NDST4: variants seen among roughly 807,000 people sequenced by gnomAD.
NDST4 encodes N-heparan sulfate sulfotransferase 4.
A neutral mutation model predicts 100.8 loss-of-function variants in NDST4; 63 were observed. That is an observed-to-expected ratio of 0.62 (90% CI 0.51 to 0.77). The LOEUF is 0.77. Ranked by LOEUF, NDST4 falls within the 30% of genes least tolerant of loss-of-function variation. NDST4 has a pLI of 0.00. For missense variants in NDST4, 943 were observed against 1,018.4 expected, an observed-to-expected ratio of 0.93 and a Z score of 1.01; for synonymous variants, 377 against 361.8, an observed-to-expected ratio of 1.04 and a Z score of -0.48.
intron 6 of NDST4, among the ~76,000 whole-genome samples, chr4:114,921,158 A>G (rs1725278159): frequency 1.3e-5 from 2 of 152,306 alleles, no homozygotes; most frequent in African/African-American, 4.8e-5. Flanking sequence ...CAACTGAAAC[A>G]AAAACGTTTG....
At chr4:115,033,151 A>ATTT (rs1277450575) in intron 2 of NDST4, among the ~76,000 whole-genome samples, 3 of 97,110 alleles carry the variant, frequency 3.1e-5, no homozygotes, top group African/African-American at 1.6e-4. Context: ...ATATATATAT[A>ATTT]TATATATTTT....
At chr4:115,043,787 T>G (rs1349126215) in intron 2 of NDST4, among the ~76,000 whole-genome samples, 3 of 152,086 alleles carry the variant, frequency 2.0e-5, no homozygotes, top group Non-Finnish European at 2.9e-5. Context: ...CTGGCATACA[T>G]TAAATGTTGA....
chr4:115,088,616 T>C (rs899290129), intron 1 of NDST4, among the ~76,000 whole-genome samples: 3 of 151,902 alleles, frequency 2.0e-5, no homozygotes, highest in Non-Finnish European at 4.4e-5. Context: ...CCCATGTTCA[T>C]AACATTTTCT....
chr4:115,026,068 G>A lies in NDST4; in HGVS notation c.979-48794C>T, dbSNP rs142245303. Among the ~76,000 whole-genome samples, 213 of 152,022 alleles carry A rather than the reference G, an allele frequency of 1.4e-3. 1 individual carries two copies. The highest frequency in any genetic ancestry group is 3.4e-3 in the Middle Eastern group (1 of 292). Reference sequence around the variant, plus strand: ...AGCCCTTTTCCTCCACACATTCTTTGCTCTAGTTCTAGAATAATTAAGCTA... The same window carrying A: ...AGCCCTTTTCCTCCACACATTCTTTACTCTAGTTCTAGAATAATTAAGCTA... On this transcript the variant is annotated intron_variant, in intron 2 of 13. Coordinates refer to ENST00000264363, the MANE Select transcript of NDST4 (RefSeq NM_022569.3).
rs972459701 is a variant in NDST4 at position 115,089,694 on chromosome 4, A to G, written c.-246-12412T>C. Reference sequence around the variant, plus strand: ...AGCATAACCCAATACTAAATTAGACACACAGTAGATTAGTAACAATCTTGA... The same window carrying G: ...AGCATAACCCAATACTAAATTAGACGCACAGTAGATTAGTAACAATCTTGA... On this transcript the variant is annotated intron_variant, in intron 1 of 13. Coordinates refer to ENST00000264363, the MANE Select transcript of NDST4 (RefSeq NM_022569.3). Among the ~76,000 whole-genome samples the G allele has an allele frequency of 2.6e-5, 4 of 151,976 alleles. No individual in the cohort carries two copies. In the South Asian group the frequency reaches 6.2e-4, roughly 24 times the overall value.
At position 115,105,600 on chromosome 4, in the gene NDST4, C is replaced by G. The variant is rs373792204; in HGVS notation, c.-247+7844G>C. Among the ~76,000 whole-genome samples the G allele has an allele frequency of 1.6e-4, 24 of 152,034 alleles. 2 individuals are homozygous for G. The East Asian group carries it at 2.7e-3, about 17-fold the overall frequency. On this transcript the variant is annotated intron_variant, in intron 1 of 13. Coordinates refer to ENST00000264363, the MANE Select transcript of NDST4 (RefSeq NM_022569.3). ...ACCTTTGTCCATACTTCTTATAGTG[C>G]GACAACAAAAAACAACAAGAAATCT... is the stretch of plus-strand genomic sequence containing the variant.
At chr4:114,967,491 A>C (rs1199027820) in intron 4 of NDST4, among the ~76,000 whole-genome samples, 1 of 152,134 alleles carries the variant, frequency 6.6e-6, no homozygotes, top group East Asian at 1.9e-4. Context: ...TTAAAAAAGA[A>C]ATTACACAAA....
rs191998054 is a variant in NDST4 at position 115,031,267 on chromosome 4, G to T, written c.978+44792C>A. Among the ~76,000 whole-genome samples, 152 of 152,092 alleles carry T rather than the reference G, an allele frequency of 1.0e-3. 1 individual carries two copies. Among genetic ancestry groups the T allele is most frequent in the African/African-American group, 3.5e-3 (145 of 41,506 alleles). ...GTCATTGTTGTTTTTAATGCCTCCTGCTCCAGACATGTTGCTCTGGCTTTT... is the reference window on the plus strand; with the variant it reads ...GTCATTGTTGTTTTTAATGCCTCCTTCTCCAGACATGTTGCTCTGGCTTTT... On this transcript the variant is annotated intron_variant, in intron 2 of 13. Coordinates refer to ENST00000264363, the MANE Select transcript of NDST4 (RefSeq NM_022569.3).
chr4:114,914,421 T>C (rs945513354), intron 6 of NDST4, among the ~76,000 whole-genome samples: 4 of 152,014 alleles, frequency 2.6e-5, no homozygotes, highest in African/African-American at 9.7e-5. Flanking sequence ...TCAAAATATC[T>C]CATACATCCC....
chr4:114,936,520 A>T (rs766863036), intron 5 of NDST4, among the ~76,000 whole-genome samples: 1 of 152,228 alleles, frequency 6.6e-6, no homozygotes, highest in Non-Finnish European at 1.5e-5. Context: ...TATTCAAATG[A>T]GTAAGAACAG....
chr4:114,876,497 G>A (rs1388860090), intron 6 of NDST4, among the ~76,000 whole-genome samples: 1 of 151,994 alleles, frequency 6.6e-6, no homozygotes, highest in Non-Finnish European at 1.5e-5. Context: ...AGTCAGACTA[G>A]GCTTAACATT....
At chr4:114,920,133 A>G (rs1309895224) in intron 6 of NDST4, among the ~76,000 whole-genome samples, 3 of 152,214 alleles carry the variant, frequency 2.0e-5, no homozygotes. Context: ...AATTATGTAT[A>G]AATATATATT....
intron 7 of NDST4, 42 bp from the exon 8 acceptor site, chr4:114,852,863 G>C (rs1038324937): frequency 7.4e-7 from 1 of 1,348,552 alleles, no homozygotes; most frequent in Non-Finnish European, 1.0e-6. Context: ...TGTAATGACT[G>C]TCTGGCTCTG....
rs1467391511 is a variant in NDST4 at position 115,008,396 on chromosome 4, G to A, written c.979-31122C>T. Among the ~76,000 whole-genome samples the A allele has an allele frequency of 4.7e-5, 6 of 128,386 alleles. 2 individuals carry two copies. In the Admixed American group the frequency reaches 4.8e-4, roughly 10 times the overall value. 84.2% of individuals were successfully genotyped at this position (128,386 alleles called of 152,430 possible). A position where few individuals can be genotyped will look rare whatever the true frequency, so the allele number is the denominator to read the frequency against. On this transcript the variant is annotated intron_variant, in intron 2 of 13. Coordinates refer to ENST00000264363, the MANE Select transcript of NDST4 (RefSeq NM_022569.3). ...GGAGCTCTTTTAGGGCAGGCCTGGT[G>A]GTGACAAAATCACTCAGCATTTGCT...
intron 8 of NDST4, among the ~76,000 whole-genome samples, chr4:114,851,559 A>G (rs1344726313): frequency 1.3e-5 from 2 of 152,226 alleles, no homozygotes; most frequent in Non-Finnish European, 2.9e-5. Context: ...GAACTAAAAC[A>G]TAATAATATT....
At chr4:114,850,179 G>A (rs1241031263) in intron 8 of NDST4, among the ~76,000 whole-genome samples, 1 of 152,108 alleles carries the variant, frequency 6.6e-6, no homozygotes, top group Non-Finnish European at 1.5e-5. Flanking sequence ...GATGCATGCA[G>A]GGCACAGATA....
intron 4 of NDST4, among the ~76,000 whole-genome samples, chr4:114,959,426 T>C (rs1419597484): frequency 6.6e-6 from 1 of 152,160 alleles, no homozygotes; most frequent in Non-Finnish European, 1.5e-5. Context: ...CAGTTTCACA[T>C]GGCTGAGAAA....
chr4:114,947,756 G>A (rs1725897364), intron 4 of NDST4, among the ~76,000 whole-genome samples: 1 of 151,934 alleles, frequency 6.6e-6, no homozygotes, highest in Non-Finnish European at 1.5e-5. Flanking sequence ...CTTAAGTAAC[G>A]ACTACATGTA....
At chr4:115,026,257 G>C (rs1303798699) in intron 2 of NDST4, among the ~76,000 whole-genome samples, 1 of 151,884 alleles carries the variant, frequency 6.6e-6, no homozygotes, top group Non-Finnish European at 1.5e-5. Flanking sequence ...TTATAAGAAG[G>C]AATAATAATT....
Sources: allele counts gnomAD v4.1 joint callset (sites outside exome capture counted in the v4.1 genomes callset), GRCh38; gene constraint gnomAD v4.1.1; transcripts MANE v1.5; gene names NCBI Gene and HGNC (gene_info 2026-07-23, HGNC 2026-07-21).